The following PTPRD variants were observed in gnomAD, a reference collection of about 807,000 sequenced individuals.
PTPRD encodes protein tyrosine phosphatase receptor type D, also known as receptor-type tyrosine-protein phosphatase delta.
PTPRD carries 34 observed loss-of-function variants against 214.5 expected under a neutral mutation model. The observed-to-expected ratio is 0.16, with a 90% CI of 0.12 to 0.21. The LOEUF is 0.21. Ranked by LOEUF, PTPRD falls within the 10% of genes least tolerant of loss-of-function variation. The pLI, the probability that PTPRD is intolerant of heterozygous loss-of-function variation, is 1.00. For synonymous variants in PTPRD, 1,128 were observed against 845.7 expected, an observed-to-expected ratio of 1.33 and a Z score of -5.79; for missense variants, 2,545 against 2,398.7, an observed-to-expected ratio of 1.06 and a Z score of -1.27.
At chr9:9,698,036 T>C (rs1019907987) in intron 7 of PTPRD, among the ~76,000 whole-genome samples, 1 of 152,216 alleles carries the variant, frequency 6.6e-6, no homozygotes, top group African/African-American at 2.4e-5. Flanking sequence ...TGATAAATTT[T>C]TGACTTTTAT....
At position 9,760,694 on chromosome 9, in the gene PTPRD, A is replaced by G. The variant is rs145048327; in HGVS notation, c.-326+6116T>C. On this transcript the variant is annotated intron_variant, in intron 6 of 45. Transcript: ENST00000381196. ...CCAGCACTGTTCATACGTGTACTCA[A>G]AACTCAGCAGTTTACAAATAATCTG... Among the ~76,000 whole-genome samples the G allele has an allele frequency of 4.0e-3, 614 of 151,840 alleles. 3 individuals are homozygous for G. Among genetic ancestry groups the G allele is most frequent in the African/African-American group, 0.014 (576 of 41,376 alleles).
chr9:10,327,485 G>C (rs1350698834), intron 3 of PTPRD, among the ~76,000 whole-genome samples: 1 of 151,366 alleles, frequency 6.6e-6, no homozygotes, highest in African/African-American at 2.4e-5. Flanking sequence ...GTACCAGAAA[G>C]ATTTAATAAA....
chr9:8,834,240 G>C (rs2097363739), intron 11 of PTPRD, among the ~76,000 whole-genome samples: 1 of 152,018 alleles, frequency 6.6e-6, no homozygotes, highest in African/African-American at 2.4e-5. Context: ...AGACAAGGAA[G>C]CTTTCTTACG....
In PTPRD at chr9:8,633,332, G is replaced by T. The variant is rs1595727732; in HGVS notation, c.337C>A (p.Leu113Ile). 1 of 1,611,922 alleles carries T rather than the reference G, an allele frequency of 6.2e-7. No individual in the cohort carries two copies. The highest frequency in any genetic ancestry group is 1.1e-5 in the South Asian group (1 of 90,892). ...GAGCACTTACCCCGCAAAACTGTGA[G>T]TCTGGTGGATACACTTATTTCTCCC... ...NVGEISVSTR[L>I]TVLREDQIPR... is the part of the protein sequence containing the mutation. The change falls in exon 14 of 46, where the codon CTC becomes ATC. Residue 113 changes from leucine to isoleucine, a missense_variant. Transcript: ENST00000381196.
intron 3 of PTPRD, among the ~76,000 whole-genome samples, chr9:10,121,833 G>A (rs1033139570): frequency 1.3e-5 from 2 of 152,014 alleles, no homozygotes; most frequent in African/African-American, 4.8e-5. Context: ...CCAACCATGA[G>A]GATTGAGGGT....
chr9:9,734,152 T>G (rs993265591), intron 7 of PTPRD, among the ~76,000 whole-genome samples: 6 of 152,194 alleles, frequency 3.9e-5, no homozygotes, highest in African/African-American at 1.4e-4. Flanking sequence ...TGTCAGCTCA[T>G]CTTTGGTTTT....
intron 10 of PTPRD, among the ~76,000 whole-genome samples, chr9:9,021,979 G>A (rs982466656): frequency 7.2e-5 from 11 of 151,806 alleles, no homozygotes; most frequent in Admixed American, 2.0e-4. Flanking sequence ...GTAGCGGGGT[G>A]GGGGGCAAGG....
At chr9:9,568,965 A>G (rs1445136749) in intron 8 of PTPRD, among the ~76,000 whole-genome samples, 1 of 151,844 alleles carries the variant, frequency 6.6e-6, no homozygotes, top group Non-Finnish European at 1.5e-5. Context: ...AATAATGGGT[A>G]TCTACAATAA....
At chr9:10,503,945 T>C (rs1026830950) in intron 2 of PTPRD, among the ~76,000 whole-genome samples, 2 of 151,120 alleles carry the variant, frequency 1.3e-5, no homozygotes, top group South Asian at 4.2e-4. Flanking sequence ...TGAAACCCCA[T>C]CTCTACTAAA....
At chr9:9,909,977 A>C (rs1159454298) in intron 5 of PTPRD, among the ~76,000 whole-genome samples, 2 of 152,006 alleles carry the variant, frequency 1.3e-5, no homozygotes, top group East Asian at 3.8e-4. Flanking sequence ...CCTATCAGTT[A>C]GAGAAAAGTT....
At chr9:9,416,986 C>A (rs2077178981) in intron 8 of PTPRD, among the ~76,000 whole-genome samples, 1 of 152,112 alleles carries the variant, frequency 6.6e-6, no homozygotes, top group South Asian at 2.1e-4. Context: ...TTTCTACTAA[C>A]AGCTTATGTA....
rs950824873 is a variant in PTPRD at position 10,258,442 on chromosome 9, A to G, written c.-545+82521T>C. Among the ~76,000 whole-genome samples the G allele has an allele frequency of 1.7e-3, 260 of 152,326 alleles. 3 individuals carry two copies. The highest frequency in any genetic ancestry group is 4.1e-4 in the Non-Finnish European group (28 of 68,026). Reference sequence around the variant, plus strand: ...TTATAAGAGGCTATCTTGCCATAATATCTCGGAGTGCTGACTACTAATAAT... The same window carrying G: ...TTATAAGAGGCTATCTTGCCATAATGTCTCGGAGTGCTGACTACTAATAAT... On this transcript the variant is annotated intron_variant, in intron 3 of 45. Coordinates refer to ENST00000381196, the MANE Select transcript of PTPRD (RefSeq NM_002839.4).
intron 9 of PTPRD, among the ~76,000 whole-genome samples, chr9:9,189,302 G>A (rs1253594058): frequency 1.3e-5 from 2 of 152,100 alleles, no homozygotes; most frequent in Admixed American, 6.6e-5. Flanking sequence ...CACAGATGAG[G>A]AAGTTGAGGT....
chr9:8,956,524 G>C (rs575728044), intron 11 of PTPRD, among the ~76,000 whole-genome samples: 7 of 151,664 alleles, frequency 4.6e-5, no homozygotes, highest in Non-Finnish European at 1.0e-4. Context: ...TGTTCTGTAA[G>C]TTTAGAATAC....
chr9:8,391,779 C>G (rs763272524), intron 36 of PTPRD, among the ~76,000 whole-genome samples: 3 of 152,108 alleles, frequency 2.0e-5, no homozygotes, highest in Non-Finnish European at 4.4e-5. Flanking sequence ...CCACCTCCCC[C>G]CTTATCAAGG....
In PTPRD at chr9:8,485,752, C is replaced by G; in HGVS notation, c.3055+10G>C. 6.2e-7 allele frequency: 1 copy of G among 1,601,452 alleles called. No individual in the cohort carries two copies. The highest frequency in any genetic ancestry group is 2.2e-5 in the East Asian group (1 of 44,738). The stretch of plus-strand genomic sequence containing the variant: ...TTAAAGGAGGAAGGCCGTAAGCAGA[C>G]AAATCCTACCTTGATCCACAGGCAG... On this transcript the variant is annotated intron_variant, in intron 28 of 45. Transcript: ENST00000381196.
chr9:10,184,952 A>G (rs983638596), intron 3 of PTPRD, among the ~76,000 whole-genome samples: 2 of 152,228 alleles, frequency 1.3e-5, no homozygotes, highest in African/African-American at 4.8e-5. Flanking sequence ...TAACCACAGC[A>G]GTGTTTGTGA....
At chr9:8,341,409 G>T in intron 40 of PTPRD, 141 bp from the exon 41 acceptor site, 1 of 925,632 alleles carries the variant, frequency 1.1e-6, no homozygotes, top group Non-Finnish European at 1.6e-6. Flanking sequence ...AAATTGTACT[G>T]CTTTTCACAT....
chr9:10,142,395 C>G (rs1188541286), intron 3 of PTPRD, among the ~76,000 whole-genome samples: 1 of 151,412 alleles, frequency 6.6e-6, no homozygotes, highest in Non-Finnish European at 1.5e-5. Flanking sequence ...GGCTAATATC[C>G]AGAATCTACA....
Sources: gnomAD v4.1 joint callset for allele counts (sites outside exome capture counted in the v4.1 genomes callset) on GRCh38, gnomAD v4.1.1 for gene constraint, MANE v1.5 for transcripts, NCBI Gene and HGNC (gene_info 2026-07-23, HGNC 2026-07-21) for gene names.